EPC2: variants seen among roughly 807,000 people sequenced by gnomAD.
The protein encoded by EPC2 is enhancer of polycomb 2.
In EPC2, 14 loss-of-function variants were observed where a neutral mutation model predicts 92.1. The observed-to-expected ratio is 0.15, with a 90% CI of 0.10 to 0.24. The LOEUF is 0.24. Ranked by LOEUF, EPC2 falls within the 10% of genes least tolerant of loss-of-function variation. EPC2 has a pLI of 1.00. For missense variants in EPC2, 755 were observed against 971.5 expected (o/e 0.78, Z 2.96); for synonymous variants, 340 against 334.7 (o/e 1.02, Z -0.17).
chr2:148,714,308 C>T (rs966759993), intron 2 of EPC2, among the ~76,000 whole-genome samples: 1 of 152,032 alleles, frequency 6.6e-6, no homozygotes, highest in Non-Finnish European at 1.5e-5. Flanking sequence ...ATTAGCCAGT[C>T]TATCATCGAT....
chr2:148,725,790 G>GT (rs201819564), intron 2 of EPC2, among the ~76,000 whole-genome samples: 3 of 151,774 alleles, frequency 2.0e-5, no homozygotes, highest in East Asian at 3.9e-4. Flanking sequence ...TTCACATGTG[G>GT]TTTTTTTTAT....
intron 12 of EPC2, 37 bp downstream of exon 12, chr2:148,783,793 A>G: frequency 6.4e-7 from 1 of 1,553,866 alleles, no homozygotes. Context: ...TACTTTCTTG[A>G]AGTTGTAACT....
In EPC2 at chr2:148,786,847, T is replaced by G. The variant is rs1178666671; in HGVS notation, c.*470T>G. 6.5e-6 allele frequency: 1 copy of G among 153,236 alleles called. No homozygotes were observed. The highest frequency in any genetic ancestry group is 2.4e-5 in the African/African-American group (1 of 41,446). The allele number at this position is 153,236 out of a possible 1,614,324, so 9.5% of individuals were successfully genotyped here. On this transcript the variant is annotated 3_prime_UTR_variant, in exon 14 of 14. Coordinates refer to ENST00000258484, the MANE Select transcript of EPC2 (RefSeq NM_015630.4). ...ATTTTTTTCTAAAGGAACTGTAAAG[T>G]TTTCACTTGGTTCATTTTGTTTCAC...
chr2:148,758,703 T>C (rs1210205958), intron 4 of EPC2, among the ~76,000 whole-genome samples: 2 of 151,814 alleles, frequency 1.3e-5, no homozygotes, highest in Non-Finnish European at 2.9e-5. Context: ...GCCTAACATA[T>C]TTGTTAATTT....
chr2:148,713,424 T>G (rs1370054281), intron 2 of EPC2, among the ~76,000 whole-genome samples: 2 of 152,208 alleles, frequency 1.3e-5, no homozygotes, highest in Non-Finnish European at 2.9e-5. Flanking sequence ...TATACTGTTT[T>G]AGCTGTGGTG....
intron 1 of EPC2, among the ~76,000 whole-genome samples, chr2:148,654,961 G>A (rs1001386122): frequency 3.3e-5 from 5 of 152,062 alleles, no homozygotes; most frequent in African/African-American, 1.2e-4. Flanking sequence ...CTATGCAGTG[G>A]GTGTTGTACA....
intron 4 of EPC2, among the ~76,000 whole-genome samples, chr2:148,757,167 G>C (rs1055564989): frequency 6.6e-6 from 1 of 152,136 alleles, no homozygotes; most frequent in Non-Finnish European, 1.5e-5. Flanking sequence ...ACAAGGTCAG[G>C]AGTTCAAGAT....
chr2:148,686,646 T>C (rs1029004263), intron 1 of EPC2, among the ~76,000 whole-genome samples: 5 of 152,226 alleles, frequency 3.3e-5, no homozygotes, highest in African/African-American at 1.2e-4. Flanking sequence ...TTACTTTTAA[T>C]CCATGGACTG....
intron 2 of EPC2, among the ~76,000 whole-genome samples, chr2:148,731,659 C>T (rs1682633266): frequency 6.6e-6 from 1 of 152,134 alleles, no homozygotes. Context: ...GCCTCAGCCT[C>T]CCAAAGTGCT....
At chr2:148,686,626 A>C (rs1681531668) in intron 1 of EPC2, among the ~76,000 whole-genome samples, 1 of 152,232 alleles carries the variant, frequency 6.6e-6, no homozygotes, top group African/African-American at 2.4e-5. Context: ...TAAAAACTTG[A>C]AAGTCAAAAT....
intron 1 of EPC2, among the ~76,000 whole-genome samples, chr2:148,688,098 C>CA (rs1398805217): frequency 2.0e-5 from 3 of 151,788 alleles, no homozygotes; most frequent in South Asian, 2.1e-4. Flanking sequence ...TTCTAATTTC[C>CA]AAAAAAATGG....
intron 1 of EPC2, among the ~76,000 whole-genome samples, chr2:148,687,632 G>A (rs1000901013): frequency 8.5e-5 from 13 of 152,180 alleles, no homozygotes; most frequent in African/African-American, 2.9e-4. Flanking sequence ...CTATGATGTA[G>A]TATAGATGAT....
intron 3 of EPC2, among the ~76,000 whole-genome samples, chr2:148,744,946 T>C (rs2105408748): frequency 6.7e-6 from 1 of 149,314 alleles, no homozygotes; most frequent in South Asian, 2.1e-4. Context: ...CAGAGCATTT[T>C]CCTTTGGCAA....
chr2:148,758,041 C>T (rs746987870), intron 4 of EPC2, among the ~76,000 whole-genome samples: 11 of 151,844 alleles, frequency 7.2e-5, no homozygotes, highest in African/African-American at 9.7e-5. Flanking sequence ...GTCAGAAGGA[C>T]GCAGGAGCCA....
At chr2:148,679,210 G>A (rs1330475725) in intron 1 of EPC2, among the ~76,000 whole-genome samples, 1 of 152,130 alleles carries the variant, frequency 6.6e-6, no homozygotes, top group Non-Finnish European at 1.5e-5. Context: ...ACCCATATCT[G>A]TAGATCATCA....
chr2:148,687,470 C>T (rs983712005), intron 1 of EPC2, among the ~76,000 whole-genome samples: 7 of 152,212 alleles, frequency 4.6e-5, no homozygotes, highest in Non-Finnish European at 1.0e-4. Flanking sequence ...TTCTAGTAGG[C>T]AGGTCTCCGT....
At chr2:148,709,937 A>G (rs1436939830) in intron 2 of EPC2, among the ~76,000 whole-genome samples, 1 of 152,182 alleles carries the variant, frequency 6.6e-6, no homozygotes, top group African/African-American at 2.4e-5. Context: ...ATAGGCATGG[A>G]CAAGGAATTC....
intron 1 of EPC2, among the ~76,000 whole-genome samples, chr2:148,655,224 C>T (rs886592678): frequency 1.3e-5 from 2 of 152,162 alleles, no homozygotes; most frequent in African/African-American, 4.8e-5. Context: ...GGAATAACCC[C>T]AAAATGCTTC....
At chr2:148,734,343 CCTT>C (rs1682708076) in intron 2 of EPC2, among the ~76,000 whole-genome samples, 1 of 151,988 alleles carries the variant, frequency 6.6e-6, no homozygotes, top group African/African-American at 2.4e-5. Flanking sequence ...GAAGTGTTAA[CCTT>C]CAGAGAGGCA....
Sources: allele counts gnomAD v4.1 joint callset (sites outside exome capture counted in the v4.1 genomes callset), GRCh38; gene constraint gnomAD v4.1.1; transcripts MANE v1.5; gene names NCBI Gene and HGNC (gene_info 2026-07-23, HGNC 2026-07-21).